Variants in LRRTM4 observed in about 807,000 individuals in gnomAD.
LRRTM4 encodes the protein leucine rich repeat transmembrane neuronal 4.
LRRTM4 carries 25 observed loss-of-function variants against 47.6 expected under a neutral mutation model. The observed-to-expected ratio is 0.53, with a 90% CI of 0.38 to 0.73. The LOEUF (loss-of-function observed/expected upper bound fraction) is 0.73. Among genes scored for constraint, LRRTM4 ranks in the 30% least tolerant of loss-of-function variants. The pLI, the probability that LRRTM4 is intolerant of heterozygous loss-of-function variation, is 0.00. For missense variants in LRRTM4, 638 were observed against 713.4 expected, an observed-to-expected ratio of 0.89 and a Z score of 1.20; for synonymous variants, 311 against 269.5, an observed-to-expected ratio of 1.15 and a Z score of -1.51.
intron 3 of LRRTM4, among the ~76,000 whole-genome samples, chr2:77,494,673 G>T (rs974821553): frequency 4.6e-5 from 7 of 151,702 alleles, no homozygotes; most frequent in Non-Finnish European, 7.4e-5. Context: ...AATATACTAC[G>T]CATTTTAAAC....
intron 3 of LRRTM4, among the ~76,000 whole-genome samples, chr2:77,025,502 A>T (rs1678424083): frequency 6.6e-6 from 1 of 152,138 alleles, no homozygotes; most frequent in African/African-American, 2.4e-5. Context: ...AATGGCAAAG[A>T]TTCTTATTCC....
intron 3 of LRRTM4, chr2:77,009,032 C>G (rs1677771461): frequency 6.6e-6 from 1 of 151,420 alleles, no homozygotes; most frequent in South Asian, 2.1e-4. Flanking sequence ...AGAGTGTGAA[C>G]CCCTGGAGTT....
At chr2:76,811,599 A>T (rs1398465217) in intron 3 of LRRTM4, among the ~76,000 whole-genome samples, 2 of 152,196 alleles carry the variant, frequency 1.3e-5, no homozygotes, top group African/African-American at 4.8e-5. Flanking sequence ...TCTGCCATGT[A>T]CATGTCAGCA....
chr2:76,926,425 C>T (rs1674591057), intron 3 of LRRTM4, among the ~76,000 whole-genome samples: 1 of 152,128 alleles, frequency 6.6e-6, no homozygotes. Flanking sequence ...TAATGAAAGT[C>T]TATCATTGCC....
chr2:77,434,406 A>G (rs1331810043), intron 3 of LRRTM4, among the ~76,000 whole-genome samples: 2 of 152,062 alleles, frequency 1.3e-5, no homozygotes, highest in African/African-American at 4.8e-5. Context: ...CGTACATGCA[A>G]CTTTTGAAAC....
rs150943009 is a variant in LRRTM4, at chr2:77,195,692, C to T, written c.1551+322626G>A. 3.9e-5 allele frequency among the ~76,000 whole-genome samples: 6 copies of T among 152,144 alleles called. No individual in the cohort carries two copies. The East Asian group carries it at 5.8e-4, about 15-fold the overall frequency. On this transcript the variant is annotated intron_variant, in intron 3 of 3. Coordinates refer to ENST00000409884, the MANE Select transcript of LRRTM4 (RefSeq NM_001134745.3). ...AACTAAACAAATTCTAAAATATAAG[C>T]ATTAATAATGTAGAGTGGTAATACA...
At chr2:77,372,983 G>A (rs566235160) in intron 3 of LRRTM4, among the ~76,000 whole-genome samples, 1 of 149,566 alleles carries the variant, frequency 6.7e-6, no homozygotes, top group East Asian at 2.0e-4. Context: ...GGGTCATAAG[G>A]AATATCACCA....
intron 3 of LRRTM4, among the ~76,000 whole-genome samples, chr2:77,383,270 G>A (rs1673133039): frequency 6.6e-6 from 1 of 151,730 alleles, no homozygotes; most frequent in South Asian, 2.1e-4. Context: ...AAATTTTCTT[G>A]ACCTCTGCTC....
At position 76,798,820 on chromosome 2, in the gene LRRTM4, C is replaced by A. The variant is rs534407297; in HGVS notation, c.1552-49904G>T. Among the ~76,000 whole-genome samples, 44 of 152,218 alleles carry A rather than the reference C, an allele frequency of 2.9e-4. No homozygotes were observed. The East Asian group carries it at 6.8e-3, about 23-fold the overall frequency. ...AACTACCATCAGAGAATACTACAAA[C>A]ACCTCTACGCAAATAAACTAGAAAA... On this transcript the variant is annotated intron_variant, in intron 3 of 3. Coordinates refer to ENST00000409884, the MANE Select transcript of LRRTM4 (RefSeq NM_001134745.3).
intron 3 of LRRTM4, among the ~76,000 whole-genome samples, chr2:77,402,321 A>C (rs541020699): frequency 6.6e-6 from 1 of 151,710 alleles, no homozygotes; most frequent in African/African-American, 2.4e-5. Flanking sequence ...GGTTTTTGAA[A>C]ATTTTTTGTA....
At chr2:77,317,135 T>A (rs1367919527) in intron 3 of LRRTM4, among the ~76,000 whole-genome samples, 1 of 146,932 alleles carries the variant, frequency 6.8e-6, no homozygotes, top group Non-Finnish European at 1.5e-5. Flanking sequence ...CATGATAAAA[T>A]GTAAAGTGAA....
chr2:76,821,770 T>C (rs7607547), intron 3 of LRRTM4, among the ~76,000 whole-genome samples: 71,849 of 151,064 alleles, frequency 0.48, 18,474 homozygotes, highest in East Asian at 0.76. Flanking sequence ...GTGTTTTTTT[T>C]CCCAAATGTC....
intron 3 of LRRTM4, among the ~76,000 whole-genome samples, chr2:77,210,091 C>T (rs185829985): frequency 1.3e-5 from 2 of 152,268 alleles, no homozygotes; most frequent in East Asian, 3.9e-4. Context: ...ATTTTATTTA[C>T]AGAAATAATT....
At chr2:77,477,615 G>T (rs1369295265) in intron 3 of LRRTM4, among the ~76,000 whole-genome samples, 1 of 151,956 alleles carries the variant, frequency 6.6e-6, no homozygotes, top group Non-Finnish European at 1.5e-5. Context: ...GGCCGAGGTG[G>T]ACGGATGACC....
chr2:77,446,258 A>G (rs1244869623), intron 3 of LRRTM4, among the ~76,000 whole-genome samples: 1 of 151,920 alleles, frequency 6.6e-6, no homozygotes, highest in Non-Finnish European at 1.5e-5. Flanking sequence ...TCGTTTGTAG[A>G]GAGTATTTTT....
At chr2:77,078,359 G>A (rs1357646405) in intron 3 of LRRTM4, among the ~76,000 whole-genome samples, 2 of 141,848 alleles carry the variant, frequency 1.4e-5, no homozygotes, top group African/African-American at 2.8e-5. Context: ...AAAAAAATAT[G>A]TTTGTCTATT....
At chr2:77,206,762 G>A (rs538647341) in intron 3 of LRRTM4, among the ~76,000 whole-genome samples, 12 of 152,206 alleles carry the variant, frequency 7.9e-5, no homozygotes, top group African/African-American at 2.6e-4. Flanking sequence ...GGGACTACAG[G>A]TGTGAGCCAC....
chr2:77,350,808 GCT>G (rs35717098), intron 3 of LRRTM4, among the ~76,000 whole-genome samples: 9,038 of 152,140 alleles, frequency 0.059, 377 homozygotes, highest in Middle Eastern at 0.11. Flanking sequence ...ATGAAATATT[GCT>G]CTGACTCACC....
intron 3 of LRRTM4, among the ~76,000 whole-genome samples, chr2:77,244,160 C>T (rs1433181604): frequency 7.8e-6 from 1 of 128,104 alleles, no homozygotes; most frequent in Non-Finnish European, 1.7e-5. Context: ...TTTCTTAATC[C>T]AGTCTATCAT....
Sources: gnomAD v4.1 joint callset for allele counts (sites outside exome capture counted in the v4.1 genomes callset) on GRCh38, gnomAD v4.1.1 for gene constraint, MANE v1.5 for transcripts, NCBI Gene and HGNC (gene_info 2026-07-23, HGNC 2026-07-21) for gene names.